The following ACSF2 variants were observed in gnomAD, a reference collection of about 807,000 sequenced individuals.
ACSF2 encodes the protein medium-chain acyl-CoA ligase ACSF2, mitochondrial.
A neutral mutation model predicts 79.3 loss-of-function variants in ACSF2; 52 were observed. The observed-to-expected ratio is 0.66, with a 90% CI of 0.53 to 0.83. The LOEUF (loss-of-function observed/expected upper bound fraction) is 0.83, where lower values mean the gene tolerates loss of function less well. ACSF2 is among the 40% of genes least tolerant of loss of function. ACSF2 has a pLI of 0.00. For missense variants in ACSF2, 661 were observed against 803.3 expected, an observed-to-expected ratio of 0.82 and a Z score of 2.14; for synonymous variants, 283 against 312.6, an observed-to-expected ratio of 0.91 and a Z score of 1.00.
intron 1 of ACSF2, among the ~76,000 whole-genome samples, chr17:50,438,148 A>G (rs966524136): frequency 5.9e-5 from 9 of 152,244 alleles, no homozygotes; most frequent in Admixed American, 1.3e-4. Flanking sequence ...AGCCTATGAT[A>G]TAAAATGGTG....
At chr17:50,441,066 G>A (rs956757176) in intron 1 of ACSF2, among the ~76,000 whole-genome samples, 3 of 152,270 alleles carry the variant, frequency 2.0e-5, no homozygotes, top group African/African-American at 7.2e-5. Flanking sequence ...GCAGGATGTG[G>A]ATGGGCTGCA....
intron 1 of ACSF2, among the ~76,000 whole-genome samples, chr17:50,457,098 G>GAA (rs2032060092): frequency 6.6e-6 from 1 of 151,756 alleles, no homozygotes. Context: ...AAAAAAAAAT[G>GAA]AAAAAAAGAC....
chr17:50,438,756 G>T (rs762575325), intron 1 of ACSF2, among the ~76,000 whole-genome samples: 1 of 151,488 alleles, frequency 6.6e-6, no homozygotes, highest in Non-Finnish European at 1.5e-5. Context: ...TAGTAGACAT[G>T]GGGTTTCACC....
chr17:50,461,482 C>T (rs2032322480), intron 3 of ACSF2, 112 bp downstream of exon 3: 2 of 1,589,186 alleles, frequency 1.3e-6, no homozygotes, highest in South Asian at 2.2e-5. Context: ...TGGTTTCAAA[C>T]CAGGTAGTGC....
In ACSF2 at chr17:50,470,733, A is replaced by G. The variant is rs552516395; in HGVS notation, c.1216-295A>G. Among the ~76,000 whole-genome samples the G allele has an allele frequency of 5.9e-5, 9 of 152,138 alleles. No homozygotes were observed. The East Asian group carries it at 1.8e-3, about 30-fold the overall frequency. ...GGTAATACCGGAGCCACAGGCACAG[A>G]CAGGTGGCTGCTCCAGGGAAACGGG... On this transcript the variant is annotated intron_variant, in intron 10 of 15. Coordinates refer to ENST00000300441, the MANE Select transcript of ACSF2 (RefSeq NM_025149.6).
chr17:50,432,722 C>T (rs983099404), intron 1 of ACSF2, among the ~76,000 whole-genome samples: 1 of 152,198 alleles, frequency 6.6e-6, no homozygotes, highest in African/African-American at 2.4e-5. Flanking sequence ...TGTATTCCTC[C>T]ATTTGGGAGT....
intron 1 of ACSF2, among the ~76,000 whole-genome samples, chr17:50,437,481 C>G (rs543423853): frequency 5.8e-4 from 89 of 152,228 alleles, no homozygotes; most frequent in African/African-American, 1.9e-3. Context: ...AAGACCCTGT[C>G]TCTACTAAAT....
At chr17:50,454,383 A>C (rs887686809) in intron 1 of ACSF2, among the ~76,000 whole-genome samples, 1 of 151,300 alleles carries the variant, frequency 6.6e-6, no homozygotes, top group African/African-American at 2.4e-5. Context: ...TTTCAAAAGC[A>C]AAAAAAAGAA....
intron 10 of ACSF2, 133 bp from the exon 11 acceptor site, chr17:50,470,893 GTC>G (rs1567864289): frequency 1.5e-6 from 1 of 678,472 alleles, no homozygotes; most frequent in Non-Finnish European, 2.6e-6. Flanking sequence ...TACCAATGAT[GTC>G]TCTGTTTCCA....
chr17:50,474,701 T>C lies in ACSF2; in HGVS notation c.*149T>C, dbSNP rs1254473426. 5 of 869,460 alleles carry C rather than the reference T, an allele frequency of 5.8e-6. No individual in the cohort carries two copies. The East Asian group carries it at 1.1e-4, about 18-fold the overall frequency. 53.9% of individuals were successfully genotyped at this position (869,460 alleles called of 1,614,324 possible). ...ATTGACTGAACGAACTAAGAGCTCC[T>C]GGATGGGTCCGGGAACTCGCCTGGG... On this transcript the variant is annotated 3_prime_UTR_variant, in exon 16 of 16. Transcript: ENST00000300441. The surrounding 1 kb of genome is among the most constrained non-coding windows in gnomAD (Gnocchi z 4.2).
intron 1 of ACSF2, among the ~76,000 whole-genome samples, chr17:50,439,314 G>A (rs1422936881): frequency 6.9e-6 from 1 of 145,510 alleles, no homozygotes; most frequent in Non-Finnish European, 1.5e-5. Flanking sequence ...GGCACAAGCA[G>A]TCTTCCCACT....
At position 50,464,777 on chromosome 17, in the gene ACSF2, G is replaced by A. The variant is rs572925085; in HGVS notation, c.1215+483G>A. On this transcript the variant is annotated intron_variant, in intron 10 of 15. Coordinates refer to ENST00000300441, the MANE Select transcript of ACSF2 (RefSeq NM_025149.6). Reference sequence around the variant, plus strand: ...TGTGGTTCTGATTGACTTGGGGGGGGGGTCTCAGCAACAGCTTCTCCAAGA... The same window carrying A: ...TGTGGTTCTGATTGACTTGGGGGGGAGGTCTCAGCAACAGCTTCTCCAAGA... 2.1e-5 allele frequency: 7 copies of A among 331,140 alleles called. 1 individual carries two copies. Among genetic ancestry groups the A allele is most frequent in the South Asian group, 1.1e-4 (5 of 44,750 alleles). 20.5% of individuals were successfully genotyped at this position (331,140 alleles called of 1,614,324 possible). A position where few individuals can be genotyped will look rare whatever the true frequency, so the allele number is the denominator to read the frequency against.
rs576103005 is a variant in ACSF2, at chr17:50,448,459, A to C, written c.129-12218A>C. ...CACATTCACAAGGGGAGGGGAGTACACTCCATGTTCTTGTCACAGCAAAAC... is the reference window on the plus strand; with the variant it reads ...CACATTCACAAGGGGAGGGGAGTACCCTCCATGTTCTTGTCACAGCAAAAC... On this transcript the variant is annotated intron_variant, in intron 1 of 15. Transcript: ENST00000300441. Among the ~76,000 whole-genome samples, 20 of 152,222 alleles carry C rather than the reference A, an allele frequency of 1.3e-4. No homozygotes were observed. The East Asian group carries it at 2.3e-3, about 18-fold the overall frequency.
Position 50,473,666 on chromosome 17 carries a change from G to T in ACSF2, c.1477G>T (p.Asp493Tyr). The change falls in exon 13 of 16, where the codon GAT becomes TAT. Residue 493 changes from aspartate to tyrosine, a missense_variant and splice_region_variant. Physicochemically the swap from Asp to Tyr is radical, Grantham distance 160. Coordinates refer to ENST00000300441, the MANE Select transcript of ACSF2 (RefSeq NM_025149.6). ...VDQDKWYWTG[D>Y]VATMNEQGFC... ...GTTGCCCCTGGGCTTTCCTTACAGA[G>T]ATGTCGCCACAATGAATGAGCAGGG... 1 of 1,614,222 alleles carries T rather than the reference G, an allele frequency of 6.2e-7. No individual in the cohort carries two copies. The highest frequency in any genetic ancestry group is 8.5e-7 in the Non-Finnish European group (1 of 1,180,028).
Position 50,463,121 on chromosome 17 carries a change from AAGG to A in ACSF2, c.793-31_793-29del. On this transcript the variant is annotated intron_variant, in intron 6 of 15. Coordinates refer to ENST00000300441, the MANE Select transcript of ACSF2 (RefSeq NM_025149.6). This position sits in a 1 kb window ranked among gnomAD's most constrained non-coding sequence, Gnocchi z 4.6. The stretch of plus-strand genomic sequence containing the variant: ...TGGCCCAGGGTGGGAAGGAGATGAG[AAGG>A]AGGCCAAGCCATGCCCTGTTTGCCT... 6.3e-7 allele frequency: 1 copy of A among 1,581,752 alleles called. No homozygotes were observed. Among genetic ancestry groups the A allele is most frequent in the South Asian group, 1.1e-5 (1 of 89,930 alleles).
chr17:50,439,223 AC>A (rs897940671), intron 1 of ACSF2, among the ~76,000 whole-genome samples: 2 of 137,450 alleles, frequency 1.5e-5, no homozygotes, highest in Non-Finnish European at 3.0e-5. Flanking sequence ...GGTGCATGCT[AC>A]CACACAGCTT....
Position 50,463,568 on chromosome 17 carries a change from C to G in ACSF2, c.1046+16C>G. The G allele has an allele frequency of 2.5e-6, 4 of 1,612,758 alleles. No homozygotes were observed. The highest frequency in any genetic ancestry group is 3.4e-6 in the Non-Finnish European group (4 of 1,179,372). On this transcript the variant is annotated intron_variant, in intron 8 of 15. Transcript: ENST00000300441. This position sits in a 1 kb window ranked among gnomAD's most constrained non-coding sequence, Gnocchi z 4.6. ...GCAGAGAGAGGTGGGCACTGGTGGA[C>G]AGGCTACTTGTGGGCTGATAAAACC...
intron 10 of ACSF2, chr17:50,465,427 G>A (rs1397418354): frequency 6.2e-7 from 1 of 1,613,850 alleles, no homozygotes; most frequent in Non-Finnish European, 8.5e-7. Context: ...GGGAGGCCTT[G>A]GCTTCCAGCC....
At chr17:50,461,555 T>G (rs908915157) in intron 3 of ACSF2, 78 bp from the exon 4 acceptor site, 1 of 1,601,854 alleles carries the variant, frequency 6.2e-7, no homozygotes, top group South Asian at 1.1e-5. Context: ...GCTGCCTCTA[T>G]GCCTCCTGGG....
Sources: gnomAD v4.1 joint callset for allele counts (sites outside exome capture counted in the v4.1 genomes callset) on GRCh38, gnomAD v4.1.1 for gene constraint, Gnocchi (gnomAD v3.1) non-coding constraint, MANE v1.5 for transcripts, NCBI Gene and HGNC (gene_info 2026-07-23, HGNC 2026-07-21) for gene names.